The following RTTN variants were observed in gnomAD, a reference collection of about 807,000 sequenced individuals.
The protein encoded by RTTN is rotatin.
Under a neutral mutation model 269.2 loss-of-function variants are expected in RTTN, and 182 were observed. The ratio of observed to expected loss-of-function variants is 0.68; its 90% CI spans 0.60 to 0.76. The LOEUF (loss-of-function observed/expected upper bound fraction) is 0.76, where lower values mean the gene tolerates loss of function less well. Ranked by LOEUF, RTTN falls within the 30% of genes least tolerant of loss-of-function variation. The pLI, the probability that RTTN is intolerant of heterozygous loss-of-function variation, is 0.00. For missense variants in RTTN, 2,545 were observed against 2,608.6 expected, an observed-to-expected ratio of 0.98 and a Z score of 0.53; for synonymous variants, 1,006 against 963.5, an observed-to-expected ratio of 1.04 and a Z score of -0.82.
At chr18:70,031,257 A>G in intron 40 of RTTN, 1 of 503,340 alleles carries the variant, frequency 2.0e-6, no homozygotes, top group South Asian at 3.9e-5. Context: ...AAGCTCATAT[A>G]CTTACTCAAA....
intron 8 of RTTN, among the ~76,000 whole-genome samples, chr18:70,191,374 C>G (rs960355434): frequency 6.6e-6 from 1 of 152,108 alleles, no homozygotes; most frequent in Non-Finnish European, 1.5e-5. Context: ...CTGTAATCAA[C>G]GTGTAGAGAC....
intron 19 of RTTN, among the ~76,000 whole-genome samples, chr18:70,140,537 C>T (rs1427526775): frequency 6.6e-6 from 1 of 152,100 alleles, no homozygotes; most frequent in African/African-American, 2.4e-5. Flanking sequence ...ATTTCATTGA[C>T]TCTTCCAAAT....
chr18:70,072,422 CT>C (rs2058320460), intron 34 of RTTN, among the ~76,000 whole-genome samples: 1 of 152,048 alleles, frequency 6.6e-6, no homozygotes, highest in Non-Finnish European at 1.5e-5. Flanking sequence ...AATTGGGGTG[CT>C]TCTTTCTTTA....
At chr18:70,094,299 T>G (rs2058937088) in intron 28 of RTTN, among the ~76,000 whole-genome samples, 1 of 152,232 alleles carries the variant, frequency 6.6e-6, no homozygotes, top group Non-Finnish European at 1.5e-5. Flanking sequence ...TCTTGTCGCC[T>G]TCAGTTCTGC....
At chr18:70,134,196 A>C (rs1599714202) in intron 23 of RTTN, among the ~76,000 whole-genome samples, 1 of 152,080 alleles carries the variant, frequency 6.6e-6, no homozygotes, top group Non-Finnish European at 1.5e-5. Context: ...AAAGAGACTC[A>C]TATGTAAATA....
chr18:70,201,634 A>AAAAC (rs2061954674), intron 4 of RTTN, among the ~76,000 whole-genome samples: 2 of 147,774 alleles, frequency 1.4e-5, no homozygotes, highest in Non-Finnish European at 3.0e-5. Flanking sequence ...AAAAAAAAAA[A>AAAAC]CTCATGTTCA....
intron 34 of RTTN, among the ~76,000 whole-genome samples, chr18:70,072,322 C>A (rs536449547): frequency 1.3e-4 from 20 of 152,172 alleles, no homozygotes; most frequent in African/African-American, 4.8e-4. Flanking sequence ...TTACAAAATT[C>A]TTTTAAAAAA....
chr18:70,057,653 C>T (rs2057856474), intron 37 of RTTN, 89 bp downstream of exon 37: 2 of 906,722 alleles, frequency 2.2e-6, no homozygotes, highest in East Asian at 2.6e-5. Context: ...AGGTTTTCAT[C>T]CTTTTCCTAT....
intron 34 of RTTN, among the ~76,000 whole-genome samples, chr18:70,066,835 A>T (rs759488117): frequency 1.6e-4 from 25 of 152,216 alleles, no homozygotes; most frequent in Non-Finnish European, 3.1e-4. Flanking sequence ...GAAAGCAAAA[A>T]CTAAGGTTAT....
At chr18:70,071,234 T>C (rs1052995113) in intron 34 of RTTN, among the ~76,000 whole-genome samples, 10 of 152,192 alleles carry the variant, frequency 6.6e-5, no homozygotes, top group Non-Finnish European at 1.3e-4. Context: ...TTTAAGACTA[T>C]GAAGTGTAAA....
chr18:70,134,922 A>G (rs571153900), intron 22 of RTTN, among the ~76,000 whole-genome samples: 75 of 152,110 alleles, frequency 4.9e-4, no homozygotes, highest in African/African-American at 1.7e-3. Context: ...GGTATGTACT[A>G]AAAATGTATT....
At chr18:70,173,509 A>G (rs1369293700) in intron 11 of RTTN, among the ~76,000 whole-genome samples, 2 of 151,778 alleles carry the variant, frequency 1.3e-5, no homozygotes, top group African/African-American at 4.8e-5. Context: ...AAAAAAAAAA[A>G]AAGAAAATAG....
intron 28 of RTTN, among the ~76,000 whole-genome samples, chr18:70,105,398 C>A (rs562686260): frequency 6.6e-6 from 1 of 152,204 alleles, no homozygotes; most frequent in African/African-American, 2.4e-5. Flanking sequence ...CCATGTGTCA[C>A]GGCTTCCCTT....
At position 70,139,633 on chromosome 18, in the gene RTTN, C is replaced by T. The variant is rs539632845; in HGVS notation, c.2754G>A (p.Ser918=). 23 of 1,612,464 alleles carry T rather than the reference C, an allele frequency of 1.4e-5. No individual in the cohort carries two copies. In the Middle Eastern group the frequency reaches 5.0e-4, roughly 35 times the overall value. The change falls in exon 21 of 49, where the codon TCG becomes TCA. Residue 918 remains serine, a synonymous_variant. Transcript: ENST00000640769. ...ACACGGTCAAAAGAGAAGACTGTTG[C>T]GAGAGCGAAACACGCATGACTGGAT... ...CGDPVMRVSL[S]QQSSLLTVLF...
intron 32 of RTTN, among the ~76,000 whole-genome samples, chr18:70,085,193 T>C (rs1026261715): frequency 2.0e-5 from 3 of 152,168 alleles, no homozygotes; most frequent in African/African-American, 4.8e-5. Context: ...ACTATTAATA[T>C]AACTATTAAT....
chr18:70,156,110 G>A (rs2060668199), intron 14 of RTTN, among the ~76,000 whole-genome samples: 1 of 152,224 alleles, frequency 6.6e-6, no homozygotes, highest in South Asian at 2.1e-4. Context: ...CAGGGAACAA[G>A]AGAGATCACC....
intron 25 of RTTN, among the ~76,000 whole-genome samples, chr18:70,121,924 T>C (rs774012617): frequency 2.6e-5 from 4 of 152,140 alleles, no homozygotes; most frequent in African/African-American, 4.8e-5. Flanking sequence ...CTAAAATAAC[T>C]AGAAGTGACA....
intron 40 of RTTN, chr18:70,031,546 G>A (rs1175852926): frequency 1.0e-5 from 4 of 391,530 alleles, no homozygotes; most frequent in Admixed American, 4.4e-5. Flanking sequence ...TTGTAATTCC[G>A]AAACTACTAT....
chr18:70,169,570 AT>A (rs1360989493), intron 11 of RTTN, among the ~76,000 whole-genome samples: 1 of 152,144 alleles, frequency 6.6e-6, no homozygotes, highest in Non-Finnish European at 1.5e-5. Context: ...ACAGAAACGA[AT>A]TTTTTTCTTT....
Sources: allele counts gnomAD v4.1 joint callset (sites outside exome capture counted in the v4.1 genomes callset), GRCh38; gene constraint gnomAD v4.1.1; transcripts MANE v1.5; gene names NCBI Gene and HGNC (gene_info 2026-07-23, HGNC 2026-07-21).